The following TCF7L2 variants were observed in gnomAD, a reference collection of about 807,000 sequenced individuals.
TCF7L2 encodes the protein transcription factor 7-like 2.
TCF7L2 carries 23 observed loss-of-function variants against 77.9 expected under a neutral mutation model. That is an observed-to-expected ratio of 0.30 (90% CI 0.21 to 0.42). TCF7L2 has a LOEUF of 0.42. Among genes scored for constraint, TCF7L2 ranks in the 10% least tolerant of loss-of-function variants. TCF7L2 has a pLI of 1.00. For synonymous variants in TCF7L2, 413 were observed against 340.2 expected, an observed-to-expected ratio of 1.21 and a Z score of -2.36; for missense variants, 654 against 793.1, an observed-to-expected ratio of 0.82 and a Z score of 2.11.
chr10:113,071,752 A>T (rs2058045448), intron 5 of TCF7L2, among the ~76,000 whole-genome samples: 1 of 151,958 alleles, frequency 6.6e-6, no homozygotes, highest in Non-Finnish European at 1.5e-5. Flanking sequence ...CACAATAGAG[A>T]CCCTGTCAAT....
intron 5 of TCF7L2, among the ~76,000 whole-genome samples, chr10:113,094,007 C>T (rs1465358717): frequency 6.6e-6 from 1 of 152,220 alleles, no homozygotes; most frequent in South Asian, 2.1e-4. Flanking sequence ...AGATGGTGCA[C>T]TCTGTCCTGA....
intron 4 of TCF7L2, among the ~76,000 whole-genome samples, chr10:113,031,865 C>A (rs1368092409): frequency 6.6e-6 from 1 of 152,202 alleles, no homozygotes; most frequent in Non-Finnish European, 1.5e-5. Context: ...TAGATGACTT[C>A]TCTGGGCCTC....
intron 4 of TCF7L2, among the ~76,000 whole-genome samples, chr10:113,011,524 C>T (rs116103758): frequency 0.015 from 2,299 of 152,268 alleles, 64 homozygotes; most frequent in African/African-American, 0.052. Flanking sequence ...CTGCTACTAC[C>T]GTGAGTATTG....
At chr10:112,988,425 A>C (rs1310465350) in intron 4 of TCF7L2, among the ~76,000 whole-genome samples, 1 of 152,106 alleles carries the variant, frequency 6.6e-6, no homozygotes, top group Non-Finnish European at 1.5e-5. Context: ...CTTCTGTCTT[A>C]TGTACCACTT....
chr10:113,004,964 T>C (rs1407238119), intron 4 of TCF7L2, among the ~76,000 whole-genome samples: 1 of 152,194 alleles, frequency 6.6e-6, no homozygotes, highest in Non-Finnish European at 1.5e-5. Context: ...TGAGCCACTG[T>C]GCCCAGCCTA....
At chr10:113,067,243 G>T (rs1343365127) in intron 5 of TCF7L2, among the ~76,000 whole-genome samples, 1 of 152,188 alleles carries the variant, frequency 6.6e-6, no homozygotes, top group South Asian at 2.1e-4. Context: ...CCGTAGGAGG[G>T]GCTCCAGAAG....
intron 3 of TCF7L2, among the ~76,000 whole-genome samples, chr10:112,963,280 G>T (rs962332250): frequency 6.6e-6 from 1 of 152,078 alleles, no homozygotes; most frequent in Non-Finnish European, 1.5e-5. Flanking sequence ...AAGTTCTTAT[G>T]TGATTTTTTC....
intron 4 of TCF7L2, among the ~76,000 whole-genome samples, chr10:112,966,210 A>T (rs1047449540): frequency 1.9e-4 from 21 of 108,632 alleles, no homozygotes; most frequent in Middle Eastern, 5.0e-3. Context: ...ATATATATAT[A>T]TTTTCTTTTC....
chr10:113,029,400 A>G (rs1203410056), intron 4 of TCF7L2, among the ~76,000 whole-genome samples: 1 of 152,154 alleles, frequency 6.6e-6, no homozygotes, highest in Non-Finnish European at 1.5e-5. Flanking sequence ...ACATTTGGAA[A>G]AATTGCTTGT....
chr10:113,091,609 C>G (rs1365568889), intron 5 of TCF7L2, among the ~76,000 whole-genome samples: 1 of 152,204 alleles, frequency 6.6e-6, no homozygotes, highest in African/African-American at 2.4e-5. Context: ...CCCAGCTACT[C>G]AGGAGGCTGA....
chr10:113,129,511 A>G, intron 5 of TCF7L2: 2 of 1,007,526 alleles, frequency 2.0e-6, no homozygotes, highest in Non-Finnish European at 2.4e-6. Context: ...TTAAAAAATT[A>G]AATCTGCAAC....
intron 5 of TCF7L2, among the ~76,000 whole-genome samples, chr10:113,076,135 CAAA>C (rs34089010): frequency 1.5e-5 from 1 of 65,976 alleles, no homozygotes; most frequent in Non-Finnish European, 2.8e-5. Flanking sequence ...GACTCCATCT[CAAA>C]AAAAAAAAAA....
In TCF7L2 at chr10:112,950,808, C is replaced by G. The variant is rs762639760; in HGVS notation, c.52C>G (p.Leu18Val). 1 of 1,598,316 alleles carries G rather than the reference C, an allele frequency of 6.3e-7. No homozygotes were observed. Among genetic ancestry groups the G allele is most frequent in the Admixed American group, 1.7e-5 (1 of 58,238 alleles). Residue 18 changes from leucine (L) to valine (V), a missense_variant, in exon 1 of 14, where the codon CTG becomes GTG. Coordinates refer to ENST00000627217, the MANE Select transcript of TCF7L2 (RefSeq NM_001146274.2). ...GGATGACCTAGGCGCCAACGACGAA[C>G]TGATTTCCTTCAAAGACGAGGGCGA...
intron 5 of TCF7L2, among the ~76,000 whole-genome samples, chr10:113,131,864 G>A (rs1055704047): frequency 2.0e-5 from 3 of 152,170 alleles, no homozygotes; most frequent in Non-Finnish European, 2.9e-5. Context: ...GCACACATTT[G>A]AGGATTTTTG....
chr10:113,008,715 T>G (rs570980773), intron 4 of TCF7L2, among the ~76,000 whole-genome samples: 1 of 152,274 alleles, frequency 6.6e-6, no homozygotes, highest in Admixed American at 6.5e-5. Flanking sequence ...AAGTAACACT[T>G]TGTACTGCCT....
intron 12 of TCF7L2, 107 bp downstream of exon 13, chr10:113,158,824 C>A: frequency 1.8e-6 from 2 of 1,108,490 alleles, no homozygotes; most frequent in Non-Finnish European, 2.5e-6. Flanking sequence ...TTTGAACATT[C>A]TTTAAAATGA....
rs146376546 is a variant in TCF7L2, at chr10:113,093,493, C to T, written c.553-47691C>T. ...GGGAGGAAATTTTGTTTCAGGATAC[C>T]TAAGTTCTTACAAGTCTCAACAATT... On this transcript the variant is annotated intron_variant, in intron 5 of 13. Transcript: ENST00000627217. Among the ~76,000 whole-genome samples the T allele has an allele frequency of 4.6e-5, 7 of 152,288 alleles. No individual in the cohort carries two copies. The East Asian group carries it at 1.3e-3, about 29-fold the overall frequency.
At chr10:113,030,471 T>C (rs2050029940) in intron 4 of TCF7L2, among the ~76,000 whole-genome samples, 1 of 152,194 alleles carries the variant, frequency 6.6e-6, no homozygotes, top group South Asian at 2.1e-4. Context: ...GGGTAGTAAC[T>C]AAAACATTCC....
Position 112,950,927 on chromosome 10 carries a change from C to T in TCF7L2, c.171C>T (p.Asn57=), listed in dbSNP as rs775035611. 2 of 1,611,156 alleles carry T rather than the reference C, an allele frequency of 1.2e-6. No individual in the cohort carries two copies. Among genetic ancestry groups the T allele is most frequent in the Non-Finnish European group, 1.7e-6 (2 of 1,179,132 alleles). Reference sequence around the variant, plus strand: ...TCAATGAATCAGAAACGAATCAAAACAGCTCCTCCGATTCCGAGGTAGGAA... The same window carrying T: ...TCAATGAATCAGAAACGAATCAAAATAGCTCCTCCGATTCCGAGGTAGGAA... Residue 57 remains asparagine (N), a synonymous_variant, in exon 1 of 14, where the codon AAC becomes AAT. Coordinates refer to ENST00000627217, the MANE Select transcript of TCF7L2 (RefSeq NM_001146274.2).
Sources: gnomAD v4.1 joint callset for allele counts (sites outside exome capture counted in the v4.1 genomes callset) on GRCh38, gnomAD v4.1.1 for gene constraint, MANE v1.5 for transcripts, NCBI Gene and HGNC (gene_info 2026-07-23, HGNC 2026-07-21) for gene names.